Variants in NTRK2 observed in about 807,000 individuals in gnomAD.
The protein encoded by NTRK2 is BDNF/NT-3 growth factors receptor.
In NTRK2, 13 loss-of-function variants were observed where a neutral mutation model predicts 94.5. The observed-to-expected ratio is 0.14, with a 90% CI of 0.09 to 0.22. NTRK2 has a LOEUF of 0.22. Among genes scored for constraint, NTRK2 ranks in the 10% least tolerant of loss-of-function variants. The pLI, the probability that NTRK2 is intolerant of heterozygous loss-of-function variation, is 1.00. For synonymous variants in NTRK2, 372 were observed against 407.4 expected, an observed-to-expected ratio of 0.91 and a Z score of 1.05; for missense variants, 639 against 1,071.2, an observed-to-expected ratio of 0.60 and a Z score of 5.63.
At chr9:85,011,472 G>A (rs1199042038) in intron 17 of NTRK2, among the ~76,000 whole-genome samples, 1 of 152,148 alleles carries the variant, frequency 6.6e-6, no homozygotes, top group African/African-American at 2.4e-5. Context: ...GGTTGAATGA[G>A]GTCATAAGAG....
chr9:84,740,897 T>C (rs2063600977), intron 9 of NTRK2, among the ~76,000 whole-genome samples: 1 of 152,238 alleles, frequency 6.6e-6, no homozygotes, highest in Admixed American at 6.5e-5. Flanking sequence ...AATGGCATTT[T>C]CCTGCTAAGG....
chr9:84,923,217 C>T (rs1425417136), intron 14 of NTRK2, among the ~76,000 whole-genome samples: 1 of 152,148 alleles, frequency 6.6e-6, no homozygotes, highest in Non-Finnish European at 1.5e-5. Context: ...TGAGCACTTG[C>T]TCCTTCCTCT....
In NTRK2 at chr9:84,810,211, A is replaced by T. The variant is rs148376695; in HGVS notation, c.1397-50829A>T. Among the ~76,000 whole-genome samples, 28 of 152,336 alleles carry T rather than the reference A, an allele frequency of 1.8e-4. No homozygotes were observed. In the East Asian group the frequency reaches 4.2e-3, roughly 23 times the overall value. On this transcript the variant is annotated intron_variant, in intron 12 of 18. Coordinates refer to ENST00000277120, the MANE Select transcript of NTRK2 (RefSeq NM_006180.6). Reference sequence around the variant, plus strand: ...CAAGGGTCATTTGTATTGTACACAGATGTTTCCTCCTTAAAGTAAGCTGCT... The same window carrying T: ...CAAGGGTCATTTGTATTGTACACAGTTGTTTCCTCCTTAAAGTAAGCTGCT...
chr9:84,929,650 C>T (rs2077954114), intron 14 of NTRK2, among the ~76,000 whole-genome samples: 2 of 151,916 alleles, frequency 1.3e-5, no homozygotes, highest in Admixed American at 6.6e-5. Flanking sequence ...CAACCTCTGC[C>T]TCCCGGATTC....
intron 11 of NTRK2, among the ~76,000 whole-genome samples, chr9:84,748,296 A>G (rs1287489087): frequency 2.0e-5 from 3 of 152,206 alleles, no homozygotes; most frequent in Non-Finnish European, 4.4e-5. Context: ...AATTCTTTTC[A>G]TTGTCAAAGG....
intron 9 of NTRK2, among the ~76,000 whole-genome samples, chr9:84,732,344 T>C (rs948771035): frequency 5.3e-5 from 8 of 152,240 alleles, no homozygotes; most frequent in African/African-American, 1.9e-4. Flanking sequence ...TTGATTACAT[T>C]TTTAAATACA....
chr9:84,977,146 A>C (rs117201211), intron 17 of NTRK2, among the ~76,000 whole-genome samples: 1 of 152,262 alleles, frequency 6.6e-6, no homozygotes, highest in Non-Finnish European at 1.5e-5. Flanking sequence ...TCAATACATA[A>C]CCTTGTTTTA....
At chr9:84,721,269 G>A (rs1012252694) in intron 6 of NTRK2, among the ~76,000 whole-genome samples, 1 of 151,764 alleles carries the variant, frequency 6.6e-6, no homozygotes, top group African/African-American at 2.4e-5. Flanking sequence ...TCCGCCTCCC[G>A]GGTTCAAGCA....
intron 17 of NTRK2, among the ~76,000 whole-genome samples, chr9:84,956,035 C>T (rs1028090485): frequency 5.9e-5 from 9 of 152,172 alleles, no homozygotes; most frequent in African/African-American, 1.9e-4. Context: ...TGTGAGAATC[C>T]TTCCAGAGAA....
chr9:84,878,398 G>A (rs1159298045), intron 14 of NTRK2, among the ~76,000 whole-genome samples: 1 of 152,008 alleles, frequency 6.6e-6, no homozygotes, highest in African/African-American at 2.4e-5. Context: ...CACTTTGGGA[G>A]GCTGAGGTGG....
chr9:84,803,154 C>A (rs1369553297), intron 12 of NTRK2, among the ~76,000 whole-genome samples: 3 of 152,140 alleles, frequency 2.0e-5, no homozygotes, highest in African/African-American at 7.2e-5. Context: ...GGAGGAGAGG[C>A]ACATTTTAAT....
chr9:84,831,856 A>G (rs2073568202), intron 12 of NTRK2, among the ~76,000 whole-genome samples: 1 of 152,248 alleles, frequency 6.6e-6, no homozygotes. Flanking sequence ...TTTCTTAGTG[A>G]CTGGAAGAGT....
chr9:84,931,342 G>A (rs774358436), intron 14 of NTRK2, among the ~76,000 whole-genome samples: 2 of 152,070 alleles, frequency 1.3e-5, no homozygotes, highest in Middle Eastern at 3.4e-3. Context: ...GGGAGGCGGA[G>A]GTTGCAGTGA....
chr9:84,888,026 TA>T (rs1157750666), intron 14 of NTRK2, among the ~76,000 whole-genome samples: 1 of 152,186 alleles, frequency 6.6e-6, no homozygotes, highest in Non-Finnish European at 1.5e-5. Flanking sequence ...AACGTCTGGA[TA>T]AACTACAGAG....
chr9:85,006,128 A>G (rs1830930124), intron 17 of NTRK2, among the ~76,000 whole-genome samples: 2 of 152,230 alleles, frequency 1.3e-5, no homozygotes, highest in Admixed American at 1.3e-4. Context: ...AAAGAAACCT[A>G]TACTTTTTGC....
intron 12 of NTRK2, among the ~76,000 whole-genome samples, chr9:84,838,301 A>G (rs2073988252): frequency 6.6e-6 from 1 of 152,212 alleles, no homozygotes; most frequent in Non-Finnish European, 1.5e-5. Context: ...CAGAACTTAC[A>G]ATAGCAAAAA....
At position 84,677,793 on chromosome 9, in the gene NTRK2, G is replaced by T. The variant is rs150824554; in HGVS notation, c.212+6833G>T. On this transcript the variant is annotated intron_variant, in intron 2 of 18. Transcript: ENST00000277120. The stretch of plus-strand genomic sequence containing the variant: ...TCATGCAGTGGGAAGGAGGTGGGCT[G>T]GTGCTTCATCCTCTGTCTTCCCCAC... 2.6e-5 allele frequency among the ~76,000 whole-genome samples: 4 copies of T among 152,228 alleles called. No individual in the cohort carries two copies. In the East Asian group the frequency reaches 7.7e-4, roughly 29 times the overall value.
intron 12 of NTRK2, among the ~76,000 whole-genome samples, chr9:84,816,284 A>G (rs983259853): frequency 6.6e-6 from 1 of 152,150 alleles, no homozygotes; most frequent in African/African-American, 2.4e-5. Context: ...GGTCAGCTGC[A>G]TGGTTCCTGC....
At chr9:84,682,720 A>T (rs1433886704) in intron 2 of NTRK2, among the ~76,000 whole-genome samples, 2 of 152,186 alleles carry the variant, frequency 1.3e-5, no homozygotes, top group Non-Finnish European at 2.9e-5. Context: ...TCTTTGTCTT[A>T]CATATATAGC....
Sources: allele counts gnomAD v4.1 joint callset (sites outside exome capture counted in the v4.1 genomes callset), GRCh38; gene constraint gnomAD v4.1.1; transcripts MANE v1.5; gene names NCBI Gene and HGNC (gene_info 2026-07-23, HGNC 2026-07-21).